ATP11B: variants seen among roughly 807,000 people sequenced by gnomAD.
ATP11B encodes ATPase phospholipid transporting 11B (putative), also known as phospholipid-transporting ATPase IF.
In ATP11B, 81 loss-of-function variants were observed where a neutral mutation model predicts 157.8. The ratio of observed to expected loss-of-function variants is 0.51; its 90% CI spans 0.43 to 0.62. The LOEUF is 0.62. Among genes scored for constraint, ATP11B ranks in the 20% least tolerant of loss-of-function variants. The pLI is 0.00. For missense variants in ATP11B, 1,165 were observed against 1,402.2 expected, an observed-to-expected ratio of 0.83 and a Z score of 2.70; for synonymous variants, 451 against 469.4, an observed-to-expected ratio of 0.96 and a Z score of 0.51.
chr3:182,881,539 C>CAA (rs779854409), intron 21 of ATP11B, among the ~76,000 whole-genome samples: 2 of 119,856 alleles, frequency 1.7e-5, no homozygotes, highest in Non-Finnish European at 3.5e-5. Context: ...GACTCTGTCT[C>CAA]AAAAAAAAAA....
At chr3:182,844,581 A>G in intron 8 of ATP11B, 1 of 984,064 alleles carries the variant, frequency 1.0e-6, no homozygotes, top group Non-Finnish European at 1.2e-6. Context: ...CTGTGCTTCA[A>G]GAAGTATGCA....
intron 19 of ATP11B, 78 bp from the exon 20 acceptor site, chr3:182,879,418 G>A: frequency 8.1e-7 from 1 of 1,241,572 alleles, no homozygotes. Context: ...CTTTCAGTAA[G>A]AATGTGTTGT....
intron 25 of ATP11B, among the ~76,000 whole-genome samples, chr3:182,893,580 T>C (rs895978469): frequency 3.3e-5 from 5 of 152,352 alleles, no homozygotes; most frequent in Admixed American, 3.3e-4. Context: ...ATTTTCTTTA[T>C]CCACTCATTA....
intron 18 of ATP11B, 25 bp downstream of exon 18, chr3:182,872,562 A>G (rs1721742680): frequency 2.6e-6 from 4 of 1,544,154 alleles, no homozygotes; most frequent in Non-Finnish European, 2.6e-6. Context: ...ATTAAAAAAT[A>G]TTACTTTTCT....
intron 10 of ATP11B, among the ~76,000 whole-genome samples, chr3:182,852,856 T>C (rs770263446): frequency 6.6e-6 from 1 of 152,176 alleles, no homozygotes; most frequent in Non-Finnish European, 1.5e-5. Flanking sequence ...TTCATCGAAA[T>C]GTAAGACTTA....
chr3:182,831,527 CAT>C (rs1397339843), intron 4 of ATP11B, among the ~76,000 whole-genome samples: 1 of 151,956 alleles, frequency 6.6e-6, no homozygotes, highest in Non-Finnish European at 1.5e-5. Context: ...TCTACAAAGA[CAT>C]AAAGACGTAC....
chr3:182,909,568 A>G (rs1724617625), intron 28 of ATP11B, among the ~76,000 whole-genome samples: 1 of 152,154 alleles, frequency 6.6e-6, no homozygotes, highest in African/African-American at 2.4e-5. Context: ...AATGGGCTCT[A>G]AATGCTCCAC....
At position 182,898,167 on chromosome 3, in the gene ATP11B, T is replaced by C. The variant is rs944729680; in HGVS notation, c.3153-440T>C. 3.9e-5 allele frequency among the ~76,000 whole-genome samples: 6 copies of C among 152,178 alleles called. No individual in the cohort carries two copies. The East Asian group carries it at 7.7e-4, about 19-fold the overall frequency. On this transcript the variant is annotated intron_variant, in intron 27 of 29. Coordinates refer to ENST00000323116, the MANE Select transcript of ATP11B (RefSeq NM_014616.3). The stretch of plus-strand genomic sequence containing the variant: ...TACAAAAACCCAAAAAGAATATCTT[T>C]ATAACACTTACTACTATGTAAAACT...
intron 19 of ATP11B, among the ~76,000 whole-genome samples, chr3:182,875,013 A>G (rs553741559): frequency 6.6e-6 from 1 of 152,272 alleles, no homozygotes; most frequent in Non-Finnish European, 1.5e-5. Flanking sequence ...ATTAAGCTGC[A>G]TTTAATTGTT....
intron 1 of ATP11B, among the ~76,000 whole-genome samples, chr3:182,794,317 G>A (rs1715457371): frequency 6.6e-6 from 1 of 152,184 alleles, no homozygotes; most frequent in African/African-American, 2.4e-5. Context: ...GGAGGCTGTC[G>A]TAGGTGTCTA....
chr3:182,860,167 T>G (rs920202138), intron 12 of ATP11B, among the ~76,000 whole-genome samples: 1 of 152,160 alleles, frequency 6.6e-6, no homozygotes, highest in Non-Finnish European at 1.5e-5. Flanking sequence ...GTGCTGTACA[T>G]CTTCTAATAA....
chr3:182,886,672 T>C (rs534270711), intron 23 of ATP11B, among the ~76,000 whole-genome samples: 2 of 152,304 alleles, frequency 1.3e-5, no homozygotes, highest in South Asian at 4.1e-4. Context: ...ACTTAATGAC[T>C]AAACCATAAC....
chr3:182,908,246 G>C (rs57536916), intron 28 of ATP11B, among the ~76,000 whole-genome samples: 1 of 117,840 alleles, frequency 8.5e-6, no homozygotes, highest in Non-Finnish European at 1.6e-5. Flanking sequence ...GTCTCACTCT[G>C]CTGCCCAGGC....
intron 19 of ATP11B, among the ~76,000 whole-genome samples, chr3:182,876,922 A>G (rs1236391201): frequency 6.6e-6 from 1 of 152,322 alleles, no homozygotes; most frequent in Non-Finnish European, 1.5e-5. Flanking sequence ...ATTTTATGAG[A>G]TAACCATAGA....
chr3:182,826,052 CAA>C (rs754849212), intron 2 of ATP11B, among the ~76,000 whole-genome samples: 6 of 152,230 alleles, frequency 3.9e-5, no homozygotes, highest in East Asian at 1.9e-4. Context: ...TATTACATAA[CAA>C]AGAGAACTTT....
chr3:182,915,106 T>A (rs1577125996), intron 29 of ATP11B: 1 of 985,372 alleles, frequency 1.0e-6, no homozygotes, highest in Non-Finnish European at 1.2e-6. Context: ...CTTTGTGTTT[T>A]AAAAAAATGA....
At chr3:182,822,350 G>A (rs188094049) in intron 2 of ATP11B, among the ~76,000 whole-genome samples, 7 of 152,106 alleles carry the variant, frequency 4.6e-5, no homozygotes, top group Admixed American at 1.3e-4. Flanking sequence ...TCCCACCTAT[G>A]AGTGAGAACA....
intron 28 of ATP11B, among the ~76,000 whole-genome samples, chr3:182,906,810 C>T (rs1213848607): frequency 2.0e-5 from 3 of 150,166 alleles, no homozygotes; most frequent in African/African-American, 7.3e-5. Flanking sequence ...AGAAGAAGGC[C>T]GGGCATGGTG....
chr3:182,800,868 C>A (rs1008828843), intron 1 of ATP11B, among the ~76,000 whole-genome samples: 2 of 135,900 alleles, frequency 1.5e-5, no homozygotes, highest in Non-Finnish European at 3.2e-5. Context: ...GCAACCTCCG[C>A]CCCCCACCCC....
Sources: allele counts gnomAD v4.1 joint callset (sites outside exome capture counted in the v4.1 genomes callset), GRCh38; gene constraint gnomAD v4.1.1; transcripts MANE v1.5; gene names NCBI Gene and HGNC (gene_info 2026-07-23, HGNC 2026-07-21).